The following CTSS variants were observed in gnomAD, a reference collection of about 807,000 sequenced individuals.
The protein encoded by CTSS is cathepsin S.
A neutral mutation model predicts 39.9 loss-of-function variants in CTSS; 15 were observed. The observed-to-expected ratio is 0.38, with a 90% CI of 0.25 to 0.58. CTSS has a LOEUF of 0.58. Among genes scored for constraint, CTSS ranks in the 20% least tolerant of loss-of-function variants. CTSS has a pLI of 0.70. For synonymous variants in CTSS, 126 were observed against 138.2 expected (o/e 0.91, Z 0.62); for missense variants, 250 against 398.2 (o/e 0.63, Z 3.17).
chr1:150,740,099 G>A (rs1652718187), intron 7 of CTSS, among the ~76,000 whole-genome samples: 1 of 152,160 alleles, frequency 6.6e-6, no homozygotes, highest in Admixed American at 6.5e-5. Context: ...ATACATGTTT[G>A]TTGAATCAGT....
chr1:150,764,548 C>A (rs1653327588), intron 2 of CTSS, 90 bp downstream of exon 2: 4 of 1,546,322 alleles, frequency 2.6e-6, no homozygotes, highest in Non-Finnish European at 3.5e-6. Context: ...TAAATATTTA[C>A]TGAAAACACT....
intron 7 of CTSS, among the ~76,000 whole-genome samples, chr1:150,739,886 AC>A (rs1652712647): frequency 7.7e-6 from 1 of 130,156 alleles, no homozygotes; most frequent in South Asian, 3.0e-4. Flanking sequence ...AAGTTAAATA[AC>A]CTGCCGAAGT....
chr1:150,757,778 C>T, intron 3 of CTSS, 80 bp downstream of exon 3: 2 of 1,461,606 alleles, frequency 1.4e-6, no homozygotes, highest in South Asian at 1.2e-5. Flanking sequence ...TGTTGTTTAC[C>T]TTCAAATTGC....
At chr1:150,756,200 T>C (rs10788794) in intron 3 of CTSS, among the ~76,000 whole-genome samples, 53,522 of 151,974 alleles carry the variant, frequency 0.35, 9,780 homozygotes, top group South Asian at 0.54. Context: ...TCACTGCATT[T>C]CGTCTCCACC....
At chr1:150,742,468 G>T (rs1652788884) in intron 7 of CTSS, among the ~76,000 whole-genome samples, 1 of 152,070 alleles carries the variant, frequency 6.6e-6, no homozygotes, top group Non-Finnish European at 1.5e-5. Context: ...ATGACTGTGG[G>T]TATATGAAAA....
chr1:150,764,345 C>G (rs1008881369), intron 2 of CTSS, among the ~76,000 whole-genome samples: 2 of 152,142 alleles, frequency 1.3e-5, no homozygotes, highest in Non-Finnish European at 2.9e-5. Flanking sequence ...TCAAGTGATT[C>G]TCTTGCCTCA....
In CTSS at chr1:150,730,400, G is replaced by A. The variant is rs953897362; in HGVS notation, c.*2646C>T. On this transcript the variant is annotated 3_prime_UTR_variant, in exon 8 of 8. Transcript: ENST00000368985. ...GGAAACTGAGAGGCCTGTTTGTTTA[G>A]ATTCCTCTTTGTGTCCCTGTGCTTT... 2.0e-5 allele frequency: 3 copies of A among 152,186 alleles called. No homozygotes were observed. The highest frequency in any genetic ancestry group is 7.2e-5 in the African/African-American group (3 of 41,432). 9.4% of individuals were successfully genotyped at this position (152,186 alleles called of 1,614,324 possible).
Position 150,733,090 on chromosome 1 carries a change from T to C in CTSS, c.952A>G (p.Asn318Asp). Residue 318 changes from asparagine (N) to aspartate (D), a missense_variant, in exon 8 of 8, where the codon AAT (asparagine) becomes GAT (aspartate). Physicochemically the swap from Asn to Asp is conservative, Grantham distance 23. Transcript: ENST00000368985. Reference protein sequence around the residue: ...GYIRMARNKGNHCGIASFPSY... With the variant: ...GYIRMARNKGDHCGIASFPSY... ...GGAAAGCTAGCAATCCCACAATGATTTCCTTTATTTCTTGCCATCCGAATA... is the reference window on the plus strand; with the variant it reads ...GGAAAGCTAGCAATCCCACAATGATCTCCTTTATTTCTTGCCATCCGAATA... 6.2e-7 allele frequency: 1 copy of C among 1,613,862 alleles called. No homozygotes were observed. The highest frequency in any genetic ancestry group is 8.5e-7 in the Non-Finnish European group (1 of 1,179,872).
In CTSS at chr1:150,744,508, ATATATTATATG is replaced by A. The variant is rs1652846376; in HGVS notation, c.896+3258_896+3268del. 2.1e-5 allele frequency among the ~76,000 whole-genome samples: 2 copies of A among 94,918 alleles called. 1 individual carries two copies. Among genetic ancestry groups the A allele is most frequent in the African/African-American group, 8.7e-5 (2 of 22,894 alleles). 62.3% of individuals were successfully genotyped at this position (94,918 alleles called of 152,430 possible). The stretch of plus-strand genomic sequence containing the variant: ...GTATATTATGTATACATAATATATT[ATATATTATATG>A]TATATTATGTATACATAATATATTA... On this transcript the variant is annotated intron_variant, in intron 7 of 7. Coordinates refer to ENST00000368985, the MANE Select transcript of CTSS (RefSeq NM_004079.5).
Position 150,730,283 on chromosome 1 carries a change from A to C in CTSS, c.*2763T>G, listed in dbSNP as rs1381761697. 3 of 152,290 alleles carry C rather than the reference A, an allele frequency of 2.0e-5. No homozygotes were observed. Among genetic ancestry groups the C allele is most frequent in the South Asian group, 2.1e-4 (1 of 4,822 alleles). 9.4% of individuals were successfully genotyped at this position (152,290 alleles called of 1,614,324 possible). ...AGGCCCAAAGAAACAGTTGAACTTG[A>C]ATGTTTTTTATAGTAGGTTTGATGA... On this transcript the variant is annotated 3_prime_UTR_variant, in exon 8 of 8. Transcript: ENST00000368985.
At chr1:150,743,632 C>T (rs1652821486) in intron 7 of CTSS, among the ~76,000 whole-genome samples, 1 of 79,742 alleles carries the variant, frequency 1.3e-5, no homozygotes. Context: ...ATTATGTATA[C>T]ATAATATATT....
intron 4 of CTSS, 46 bp from the exon 5 acceptor site, chr1:150,752,054 C>A: frequency 6.3e-7 from 1 of 1,598,974 alleles, no homozygotes; most frequent in Non-Finnish European, 8.6e-7. Context: ...GAAAATCATT[C>A]GGAATGACTT....
intron 7 of CTSS, among the ~76,000 whole-genome samples, chr1:150,743,710 ATATAT>A (rs1463025150): frequency 1.7e-3 from 106 of 61,074 alleles, no homozygotes; most frequent in East Asian, 6.5e-3. Flanking sequence ...ATAATATATT[ATATAT>A]TATATGTATA....
chr1:150,736,376 T>A (rs1652636048), intron 7 of CTSS, among the ~76,000 whole-genome samples: 1 of 152,200 alleles, frequency 6.6e-6, no homozygotes, highest in South Asian at 2.1e-4. Flanking sequence ...TAGGATTATT[T>A]TATTCCAAAG....
At chr1:150,745,200 G>A (rs935966889) in intron 7 of CTSS, among the ~76,000 whole-genome samples, 1 of 152,056 alleles carries the variant, frequency 6.6e-6, no homozygotes, top group Non-Finnish European at 1.5e-5. Context: ...AGATTTAAGG[G>A]GTGTTATGGG....
chr1:150,757,285 TA>T, intron 3 of CTSS, among the ~76,000 whole-genome samples: 1 of 152,274 alleles, frequency 6.6e-6, no homozygotes, highest in South Asian at 2.1e-4. Flanking sequence ...CAGAATTTTA[TA>T]AAAGGGCTGT....
At chr1:150,749,425 G>A (rs1232640939) in intron 6 of CTSS, among the ~76,000 whole-genome samples, 2 of 152,158 alleles carry the variant, frequency 1.3e-5, no homozygotes, top group Non-Finnish European at 2.9e-5. Flanking sequence ...ATGCCTTTAC[G>A]CCAAAACCTA....
intron 7 of CTSS, 27 bp downstream of exon 7, chr1:150,747,750 A>T: frequency 1.4e-6 from 2 of 1,466,430 alleles, no homozygotes; most frequent in Non-Finnish European, 1.9e-6. Flanking sequence ...CCTGATTCCA[A>T]TTAAATATAA....
At chr1:150,764,391 C>T (rs955880260) in intron 2 of CTSS, among the ~76,000 whole-genome samples, 3 of 152,116 alleles carry the variant, frequency 2.0e-5, no homozygotes, top group African/African-American at 7.2e-5. Context: ...GCGCCCACCA[C>T]CACATCCAGC....
Sources: gnomAD v4.1 joint callset for allele counts (sites outside exome capture counted in the v4.1 genomes callset) on GRCh38, gnomAD v4.1.1 for gene constraint, MANE v1.5 for transcripts, NCBI Gene and HGNC (gene_info 2026-07-23, HGNC 2026-07-21) for gene names.